MYH9: variants seen among roughly 807,000 people sequenced by gnomAD.
MYH9 encodes the protein myosin-9.
MYH9 carries 29 observed loss-of-function variants against 241.9 expected under a neutral mutation model. The observed-to-expected ratio is 0.12, with a 90% CI of 0.09 to 0.16. The LOEUF is 0.16. Ranked by LOEUF, MYH9 falls within the 10% of genes least tolerant of loss-of-function variation. The pLI is 1.00. For missense variants in MYH9, 1,803 were observed against 2,595.5 expected (o/e 0.69, Z 6.63); for synonymous variants, 1,047 against 1,062.6 (o/e 0.99, Z 0.29).
rs1002506604 is a variant in MYH9, at chr22:36,302,484, C to T, written c.2499+84G>A. The T allele has an allele frequency of 7.2e-6, 9 of 1,256,848 alleles. No individual in the cohort carries two copies. The African/African-American group carries it at 1.0e-4, about 14-fold the overall frequency. The allele number at this position is 1,256,848 out of a possible 1,614,324, so 77.9% of individuals were successfully genotyped here. ...GCGACATGGTGAGACCACACCTCTA[C>T]AAAAAATACAAACAATTAGCCAGGT... is the stretch of plus-strand genomic sequence containing the variant. On this transcript the variant is annotated intron_variant, in intron 20 of 40. Coordinates refer to ENST00000216181, the MANE Select transcript of MYH9 (RefSeq NM_002473.6).
chr22:36,287,776 G>T (rs1171390364), intron 34 of MYH9, among the ~76,000 whole-genome samples: 1 of 152,186 alleles, frequency 6.6e-6, no homozygotes, highest in Non-Finnish European at 1.5e-5. Flanking sequence ...GTTAAACTAA[G>T]GTTATTCTTG....
intron 3 of MYH9, among the ~76,000 whole-genome samples, chr22:36,328,619 G>A (rs559440885): frequency 5.9e-5 from 9 of 152,334 alleles, no homozygotes; most frequent in South Asian, 4.1e-4. Context: ...TGGACCTGCC[G>A]CAGTCCCTGT....
intron 2 of MYH9, among the ~76,000 whole-genome samples, chr22:36,345,583 C>T (rs1400232847): frequency 1.3e-5 from 2 of 152,188 alleles, no homozygotes; most frequent in Non-Finnish European, 2.9e-5. Flanking sequence ...CCATGTCACC[C>T]CCACAGACAC....
intron 5 of MYH9, chr22:36,325,153 A>G (rs2017315149): frequency 2.7e-6 from 2 of 752,014 alleles, no homozygotes; most frequent in South Asian, 2.8e-5. Context: ...GGGGGTAGGG[A>G]GGGAGAGAGG....
chr22:36,309,455 G>T, intron 14 of MYH9, 59 bp from the exon 15 acceptor site: 1 of 1,294,758 alleles, frequency 7.7e-7, no homozygotes. Context: ...GTGCTCACAG[G>T]GTCTCCGGAG....
In MYH9 at chr22:36,289,190, G is replaced by C. The variant is rs569164493; in HGVS notation, c.4452C>G (p.Ala1484=). The C allele has an allele frequency of 6.2e-7, 1 of 1,613,504 alleles. No homozygotes were observed. Among genetic ancestry groups the C allele is most frequent in the African/African-American group, 1.3e-5 (1 of 75,048 alleles). Residue 1484 remains alanine (A), a synonymous_variant, in exon 32 of 41, where the codon GCC becomes GCG. Transcript: ENST00000216181. ...KETKALSLAR[A]LEEAMEQKAE... ...CCTTCTGCTCCATGGCTTCCTCCAG[G>C]GCCCGGGCCAGCGACAGAGCCTTGG...
chr22:36,300,282 C>T lies in MYH9; in HGVS notation c.2839-18G>A, dbSNP rs1194901034. 1.2e-6 allele frequency: 2 copies of T among 1,611,620 alleles called. No individual in the cohort carries two copies. The highest frequency in any genetic ancestry group is 2.2e-5 in the East Asian group (1 of 44,880). ...TCAAGCTCCTGCCGGGGGCCAGAGA[C>T]ACGGTAAGGACAGCAGGCCCAGAGG... On this transcript the variant is annotated intron_variant, in intron 22 of 40. Transcript: ENST00000216181. The surrounding 1 kb of genome is among the most constrained non-coding windows in gnomAD (Gnocchi z 5.0).
chr22:36,314,067 G>C (rs1424318298), intron 13 of MYH9, 78 bp downstream of exon 13: 29 of 1,517,196 alleles, frequency 1.9e-5, no homozygotes, highest in African/African-American at 1.4e-5. Flanking sequence ...AACCAACACA[G>C]AGCTGAGGTG....
rs773050248 is a variant in MYH9, at chr22:36,326,600, C to T, written c.580G>A (p.Val194Met). 5.6e-6 allele frequency: 9 copies of T among 1,614,250 alleles called. No individual in the cohort carries two copies. Among genetic ancestry groups the T allele is most frequent in the Non-Finnish European group, 7.6e-6 (9 of 1,180,044 alleles). The change falls in exon 5 of 41, where the codon GTG becomes ATG. Residue 194 changes from valine (V) to methionine (M), a missense_variant. Physicochemically the swap from Val to Met is conservative, Grantham distance 21. This residue lies in a region of MYH9 where 222 missense variants were observed against 359.9 expected (regional missense o/e 0.62). Coordinates refer to ENST00000216181, the MANE Select transcript of MYH9 (RefSeq NM_002473.6). ...TKKVIQYLAY[V>M]ASSHKSKKDQ... ...TTCTTGCTCTTGTGCGAGGACGCCA[C>T]GTACGCCAGATACTGGATGACCTTC...
chr22:36,312,054 C>A lies in MYH9; in HGVS notation c.1723G>T (p.Gly575Cys). ...TCCCCGTGAGCGCTCCTCACCTTGC[C>A]GGCATAGTGGATAATGCAGAAATCA... is the stretch of plus-strand genomic sequence containing the variant. ...KADFCIIHYA[G>C]KVDYKADEWL... is the part of the protein sequence containing the mutation. The change falls in exon 14 of 41, where the codon GGC (glycine) becomes TGC (cysteine). Residue 575 changes from glycine to cysteine, a missense_variant. Gly to Cys is a radical substitution (Grantham distance 159, BLOSUM62 -3). Around this residue, in one of 11 missense-constraint regions of MYH9, gnomAD observed 163 missense variants for 349.7 expected, o/e 0.47. Transcript: ENST00000216181. 2 of 1,614,086 alleles carry A rather than the reference C, an allele frequency of 1.2e-6. No homozygotes were observed. The highest frequency in any genetic ancestry group is 1.7e-6 in the Non-Finnish European group (2 of 1,180,014).
rs757973813 is a variant in MYH9 at position 36,316,568 on chromosome 22, C to T, written c.1329G>A (p.Gln443=). The change falls in exon 12 of 41, where the codon CAG becomes CAA. Residue 443 remains glutamine, a synonymous_variant. Transcript: ENST00000216181. ...CCAGGATCCCGATGAAGGAGGCGCC[C>T]TGCCTCTTGGTCTTGTCCAGAGCCT... is the stretch of plus-strand genomic sequence containing the variant. ...INKALDKTKR[Q]GASFIGILDI... 3.1e-6 allele frequency: 5 copies of T among 1,614,168 alleles called. No individual in the cohort carries two copies. Among genetic ancestry groups the T allele is most frequent in the Middle Eastern group, 3.3e-4 (2 of 6,062 alleles).
At position 36,300,131 on chromosome 22, in the gene MYH9, G is replaced by A; in HGVS notation, c.2972C>T (p.Ala991Val). The A allele has an allele frequency of 1.2e-6, 2 of 1,611,252 alleles. No homozygotes were observed. Among genetic ancestry groups the A allele is most frequent in the Non-Finnish European group, 1.7e-6 (2 of 1,180,008 alleles). The change falls in exon 23 of 41, where the codon GCC (alanine) becomes GTC (valine). Residue 991 changes from alanine (A) to valine (V), a missense_variant. Ala to Val is a moderately conservative substitution (Grantham distance 64). Coordinates refer to ENST00000216181, the MANE Select transcript of MYH9 (RefSeq NM_002473.6). This position sits in a 1 kb window ranked among gnomAD's most constrained non-coding sequence, Gnocchi z 5.0. ...GGCGACAGCCACGGGCCTCACCTTG[G>A]CCAGCTTGCAGTTCTGGTCCTCCAG... ...IILEDQNCKLAKEKKLLEDRI... is the reference protein window; with the variant it reads ...IILEDQNCKLVKEKKLLEDRI...
At chr22:36,331,666 G>A (rs906739600) in intron 3 of MYH9, among the ~76,000 whole-genome samples, 24 of 152,332 alleles carry the variant, frequency 1.6e-4, no homozygotes, top group African/African-American at 1.7e-4. Context: ...GAAGTACAGA[G>A]GAAGGGGCCT....
rs1369355532 is a variant in MYH9, at chr22:36,285,582, G to C, written c.5274+76C>G. ...CAGCTGGCACTTGGCCTGTGCTTCT[G>C]CCGGCTGGGTCCAAGGCCAGCTCTG... On this transcript the variant is annotated intron_variant, in intron 37 of 40. Transcript: ENST00000216181. The surrounding 1 kb of genome is among the most constrained non-coding windows in gnomAD (Gnocchi z 7.0). 1.3e-6 allele frequency: 2 copies of C among 1,597,280 alleles called. No homozygotes were observed. The highest frequency in any genetic ancestry group is 2.7e-5 in the African/African-American group (2 of 74,802).
intron 1 of MYH9, among the ~76,000 whole-genome samples, chr22:36,376,563 G>C (rs2146422043): frequency 6.6e-6 from 1 of 152,312 alleles, no homozygotes; most frequent in Middle Eastern, 3.4e-3. Flanking sequence ...AGCTTAGGGA[G>C]TCTCTGCGGA....
intron 1 of MYH9, among the ~76,000 whole-genome samples, chr22:36,353,716 A>G (rs901308044): frequency 1.3e-5 from 2 of 151,994 alleles, no homozygotes; most frequent in Non-Finnish European, 2.9e-5. Context: ...ATAATCCCCT[A>G]AATTCCTGAA....
At position 36,293,940 on chromosome 22, in the gene MYH9, A is replaced by G; in HGVS notation, c.3838-77T>C. ...TGCCCCACCTCATCTCCTTTAGGTA[A>G]AGCTGGACCTGAGTCACAAGCTGAA... On this transcript the variant is annotated intron_variant, in intron 28 of 40. Transcript: ENST00000216181. This position sits in a 1 kb window ranked among gnomAD's most constrained non-coding sequence, Gnocchi z 5.1. 1 of 1,477,374 alleles carries G rather than the reference A, an allele frequency of 6.8e-7. No individual in the cohort carries two copies. The highest frequency in any genetic ancestry group is 9.3e-7 in the Non-Finnish European group (1 of 1,073,778). The allele number at this position is 1,477,374 out of a possible 1,614,324, so 91.5% of individuals were successfully genotyped here.
chr22:36,337,799 AC>A (rs2017522108), intron 3 of MYH9, among the ~76,000 whole-genome samples: 1 of 151,954 alleles, frequency 6.6e-6, no homozygotes, highest in Non-Finnish European at 1.5e-5. Flanking sequence ...CAGCCTGCAG[AC>A]CCCGAGGCTC....
Position 36,289,320 on chromosome 22 carries a change from G to A in MYH9, c.4345-23C>T, listed in dbSNP as rs755085550. 7.5e-6 allele frequency: 12 copies of A among 1,591,772 alleles called. No homozygotes were observed. The Admixed American group carries it at 1.6e-4, about 21-fold the overall frequency. On this transcript the variant is annotated intron_variant, in intron 31 of 40. Transcript: ENST00000216181. ...GAGCTGGGAAAGAGGTGGGCACCATGAGGCTCAGAGCTACGGCCCCCAGCA... is the reference window on the plus strand; with the variant it reads ...GAGCTGGGAAAGAGGTGGGCACCATAAGGCTCAGAGCTACGGCCCCCAGCA...
Sources: gnomAD v4.1 joint callset for allele counts (sites outside exome capture counted in the v4.1 genomes callset) on GRCh38, gnomAD v4.1.1 for gene constraint, gnomAD v4.1.1 regional missense constraint, Gnocchi (gnomAD v3.1) non-coding constraint, MANE v1.5 for transcripts, NCBI Gene and HGNC (gene_info 2026-07-23, HGNC 2026-07-21) for gene names.